DNAJC3: variants seen among roughly 807,000 people sequenced by gnomAD.
DNAJC3 encodes the protein dnaJ homolog subfamily C member 3.
A neutral mutation model predicts 68.6 loss-of-function variants in DNAJC3; 38 were observed. That is an observed-to-expected ratio of 0.55 (90% confidence interval 0.43 to 0.73). DNAJC3 has a LOEUF of 0.73. DNAJC3 is among the 30% of genes least tolerant of loss of function. The pLI is 0.00. For synonymous variants in DNAJC3, 203 were observed against 204.0 expected (o/e 1.00, Z 0.04); for missense variants, 526 against 591.9 (o/e 0.89, Z 1.16).
intron 5 of DNAJC3, among the ~76,000 whole-genome samples, chr13:95,759,345 TCTGTTAC>T (rs1202314156): frequency 6.6e-6 from 1 of 152,210 alleles, no homozygotes; most frequent in African/African-American, 2.4e-5. Flanking sequence ...TGGGTCTCTC[TCTGTTAC>T]CTAGACTGGA....
intron 4 of DNAJC3, among the ~76,000 whole-genome samples, chr13:95,727,457 CTA>C (rs1881568184): frequency 6.6e-6 from 1 of 152,132 alleles, no homozygotes; most frequent in Non-Finnish European, 1.5e-5. Flanking sequence ...TTAAAGCAAA[CTA>C]TTTTTTTAGC....
At chr13:95,696,438 A>G (rs1013189879) in intron 1 of DNAJC3, among the ~76,000 whole-genome samples, 3 of 152,206 alleles carry the variant, frequency 2.0e-5, no homozygotes, top group Non-Finnish European at 4.4e-5. Flanking sequence ...TTTCACTTAA[A>G]TAAGACGTCT....
At chr13:95,752,424 A>G (rs1324775341) in intron 4 of DNAJC3, among the ~76,000 whole-genome samples, 2 of 152,326 alleles carry the variant, frequency 1.3e-5, no homozygotes, top group Middle Eastern at 3.4e-3. Context: ...TTAATTGAAG[A>G]TAACAATTCT....
chr13:95,758,503 G>T (rs542778265), intron 5 of DNAJC3, among the ~76,000 whole-genome samples: 4 of 151,612 alleles, frequency 2.6e-5, no homozygotes, highest in Non-Finnish European at 5.9e-5. Flanking sequence ...GCTGGGTGTG[G>T]TGTGCATGCT....
intron 4 of DNAJC3, among the ~76,000 whole-genome samples, chr13:95,730,032 C>A (rs772803853): frequency 3.5e-4 from 53 of 152,082 alleles, no homozygotes; most frequent in Non-Finnish European, 6.5e-4. Flanking sequence ...GTCTCTGTCA[C>A]CTATGCTGGA....
At chr13:95,777,906 A>T (rs1206292163) in intron 9 of DNAJC3, among the ~76,000 whole-genome samples, 1 of 152,366 alleles carries the variant, frequency 6.6e-6, no homozygotes, top group East Asian at 1.9e-4. Flanking sequence ...CACGTGTGAC[A>T]CCACAAGTCT....
At chr13:95,745,631 C>T (rs1327787298) in intron 4 of DNAJC3, 2 of 152,212 alleles carry the variant, frequency 1.3e-5, no homozygotes, top group South Asian at 2.1e-4. Flanking sequence ...AAACAAATTC[C>T]TTATGCTTTT....
At chr13:95,764,125 T>C (rs966202629) in intron 9 of DNAJC3, among the ~76,000 whole-genome samples, 172 bp downstream of exon 9, 4 of 152,108 alleles carry the variant, frequency 2.6e-5, no homozygotes, top group Non-Finnish European at 4.4e-5. Context: ...ACCTGAAAGG[T>C]ATACCATGTG....
At chr13:95,729,111 A>G (rs1881620703) in intron 4 of DNAJC3, among the ~76,000 whole-genome samples, 2 of 152,004 alleles carry the variant, frequency 1.3e-5, no homozygotes, top group South Asian at 4.2e-4. Context: ...AGTTCCATCC[A>G]TGTGGCTGCA....
intron 4 of DNAJC3, among the ~76,000 whole-genome samples, chr13:95,739,554 C>T (rs1486591569): frequency 6.6e-6 from 1 of 151,940 alleles, no homozygotes; most frequent in Admixed American, 6.6e-5. Flanking sequence ...AACTTCCCTT[C>T]TCGCTTCATT....
At chr13:95,790,793 T>G in intron 11 of DNAJC3, 80 bp from the exon 12 acceptor site, 7 of 636,526 alleles carry the variant, frequency 1.1e-5, no homozygotes, top group Non-Finnish European at 1.9e-5. Context: ...CCACCCACCC[T>G]CCTCTGCCCA....
chr13:95,698,884 A>G (rs935006012), intron 1 of DNAJC3, among the ~76,000 whole-genome samples: 1 of 152,272 alleles, frequency 6.6e-6, no homozygotes, highest in Non-Finnish European at 1.5e-5. Context: ...GACCCACGGC[A>G]TGAAACCTGA....
chr13:95,786,627 A>T (rs1316195808), intron 10 of DNAJC3, among the ~76,000 whole-genome samples: 1 of 152,248 alleles, frequency 6.6e-6, no homozygotes, highest in African/African-American at 2.4e-5. Flanking sequence ...ACTATTAAGT[A>T]AGCTAATGCA....
At chr13:95,723,415 G>A (rs1340091593) in intron 3 of DNAJC3, 49 bp downstream of exon 3, 1 of 1,579,578 alleles carries the variant, frequency 6.3e-7, no homozygotes, top group South Asian at 1.1e-5. Flanking sequence ...AGAACTTGGG[G>A]AGAGATAATT....
intron 4 of DNAJC3, among the ~76,000 whole-genome samples, chr13:95,731,901 ATTT>A (rs777968421): frequency 8.1e-5 from 10 of 123,918 alleles, no homozygotes; most frequent in African/African-American, 9.5e-5. Context: ...CGCCTGGCTA[ATTT>A]TTTTTTTTTT....
chr13:95,740,076 A>G (rs1238657105), intron 4 of DNAJC3, among the ~76,000 whole-genome samples: 1 of 151,960 alleles, frequency 6.6e-6, no homozygotes, highest in South Asian at 2.1e-4. Context: ...CTGCCGTGTG[A>G]GGTGTCAGTG....
At chr13:95,728,588 T>A (rs1043117506) in intron 4 of DNAJC3, among the ~76,000 whole-genome samples, 13 of 152,226 alleles carry the variant, frequency 8.5e-5, no homozygotes, top group Admixed American at 8.5e-4. Flanking sequence ...GATATGTAGT[T>A]TACAAATATT....
chr13:95,722,163 G>A (rs1566483600), intron 2 of DNAJC3, among the ~76,000 whole-genome samples: 2 of 152,166 alleles, frequency 1.3e-5, no homozygotes. Flanking sequence ...CTTCGTAGGT[G>A]CTGATAAGCA....
intron 9 of DNAJC3, among the ~76,000 whole-genome samples, chr13:95,784,369 G>C (rs1332238504): frequency 6.6e-6 from 1 of 152,122 alleles, no homozygotes; most frequent in Admixed American, 6.5e-5. Context: ...ACAGGGAAAA[G>C]GTGCAAGGGT....
Sources: gnomAD v4.1 joint callset for allele counts (sites outside exome capture counted in the v4.1 genomes callset) on GRCh38, gnomAD v4.1.1 for gene constraint, MANE v1.5 for transcripts, NCBI Gene and HGNC (gene_info 2026-07-23, HGNC 2026-07-21) for gene names.